CELF2: variants seen among roughly 807,000 people sequenced by gnomAD.
The protein encoded by CELF2 is CUG triplet repeat RNA-binding protein 2.
In CELF2, 8 loss-of-function variants were observed where a neutral mutation model predicts 62.6. The observed-to-expected ratio is 0.13, with a 90% CI of 0.07 to 0.23. The LOEUF (loss-of-function observed/expected upper bound fraction) is 0.23, where lower values mean the gene tolerates loss of function less well. Among genes scored for constraint, CELF2 ranks in the 10% least tolerant of loss-of-function variants. The pLI, the probability that CELF2 is intolerant of heterozygous loss-of-function variation, is 1.00. For missense variants in CELF2, 333 were observed against 671.0 expected (o/e 0.50, Z 5.56); for synonymous variants, 258 against 250.0 (o/e 1.03, Z -0.30).
At chr10:10,851,602 C>T (rs1204264011) in intron 1 of CELF2, among the ~76,000 whole-genome samples, 6 of 152,040 alleles carry the variant, frequency 3.9e-5, no homozygotes, top group Admixed American at 2.0e-4. Context: ...TGAAACAAAA[C>T]ATCAGACAAA....
chr10:10,687,003 C>T, the CELF2 span, among the ~76,000 whole-genome samples: 1 of 152,178 alleles, frequency 6.6e-6, no homozygotes, highest in Non-Finnish European at 1.5e-5. Flanking sequence ...CCATTGTATG[C>T]TCCCTAACCC....
intron 1 of CELF2, among the ~76,000 whole-genome samples, chr10:10,903,174 C>T (rs2063070782): frequency 6.6e-6 from 1 of 152,168 alleles, no homozygotes; most frequent in African/African-American, 2.4e-5. Flanking sequence ...TGACCTGTTC[C>T]ACTGGAATGC....
chr10:11,319,303 G>A lies in CELF2; in HGVS notation c.1097-1886G>A. The A allele has an allele frequency of 2.8e-6, 1 of 355,916 alleles. No homozygotes were observed. Among genetic ancestry groups the A allele is most frequent in the Non-Finnish European group, 5.6e-6 (1 of 177,304 alleles). 22.0% of individuals were successfully genotyped at this position (355,916 alleles called of 1,614,324 possible). A position where few individuals can be genotyped will look rare whatever the true frequency, so the allele number is the denominator to read the frequency against. Reference sequence around the variant, plus strand: ...CCTCTCACCTATCTCAAAAAACACGGAAGTTCCTTTGCATCACACAAATAG... The same window carrying A: ...CCTCTCACCTATCTCAAAAAACACGAAAGTTCCTTTGCATCACACAAATAG... On this transcript the variant is annotated intron_variant, in intron 10 of 12. Transcript: ENST00000633077. This position sits in a 1 kb window ranked among gnomAD's most constrained non-coding sequence, Gnocchi z 4.4.
upstream of CELF2, among the ~76,000 whole-genome samples, chr10:10,795,681 A>G (rs2054099335): frequency 6.6e-6 from 1 of 152,232 alleles, no homozygotes; most frequent in Non-Finnish European, 1.5e-5. Context: ...AGAAATTTGC[A>G]GTATGTGATA....
intron 9 of CELF2, among the ~76,000 whole-genome samples, chr10:11,292,997 G>C (rs900777041): frequency 6.6e-6 from 1 of 152,178 alleles, no homozygotes; most frequent in Non-Finnish European, 1.5e-5. Context: ...CTTACACACT[G>C]TTGGCAACTG....
rs184394372 is a variant in CELF2, at chr10:11,088,896, G to A, written c.74+70733G>A. On this transcript the variant is annotated intron_variant, in intron 1 of 12. Transcript: ENST00000633077. Reference sequence around the variant, plus strand: ...CCTCGCTAGCACATCTGACAGGTGGGAAGTGTTACCAGAAAACTGGGCTCA... The same window carrying A: ...CCTCGCTAGCACATCTGACAGGTGGAAAGTGTTACCAGAAAACTGGGCTCA... Among the ~76,000 whole-genome samples the A allele has an allele frequency of 1.1e-3, 172 of 152,296 alleles. 1 individual carries two copies. Among genetic ancestry groups the A allele is most frequent in the African/African-American group, 3.9e-3 (163 of 41,546 alleles).
At position 11,244,570 on chromosome 10, in the gene CELF2, G is replaced by T. The variant is rs191528681; in HGVS notation, c.355-4583G>T. The stretch of plus-strand genomic sequence containing the variant: ...CTCAGGAGGCTGAGGCAGGAGAATG[G>T]CATGAACCCGGGAGGCAGAGCTTTC... On this transcript the variant is annotated intron_variant, in intron 3 of 12. Coordinates refer to ENST00000633077, the MANE Select transcript of CELF2 (RefSeq NM_001326342.2). The surrounding 1 kb of genome is among the most constrained non-coding windows in gnomAD (Gnocchi z 4.2). Among the ~76,000 whole-genome samples the T allele has an allele frequency of 6.0e-4, 91 of 151,698 alleles. No homozygotes were observed. The highest frequency in any genetic ancestry group is 2.1e-3 in the African/African-American group (88 of 41,360).
the CELF2 span, among the ~76,000 whole-genome samples, chr10:10,531,632 A>G: frequency 6.6e-6 from 1 of 152,078 alleles, no homozygotes; most frequent in Non-Finnish European, 1.5e-5. Flanking sequence ...AGCCAGGTGC[A>G]CTCTTCACTT....
chr10:10,596,683 C>T, the CELF2 span, among the ~76,000 whole-genome samples: 1 of 152,246 alleles, frequency 6.6e-6, no homozygotes, highest in Non-Finnish European at 1.5e-5. Context: ...CCTCTGGGCC[C>T]AGGCATTTGT....
the CELF2 span, among the ~76,000 whole-genome samples, chr10:10,630,374 A>G: frequency 2.6e-5 from 4 of 152,234 alleles, no homozygotes; most frequent in Non-Finnish European, 2.9e-5. Flanking sequence ...GTCTTAGGCA[A>G]GGAATGCTGT....
intron 2 of CELF2, among the ~76,000 whole-genome samples, chr10:10,967,685 T>C (rs1433247435): frequency 6.6e-6 from 1 of 152,126 alleles, no homozygotes; most frequent in Non-Finnish European, 1.5e-5. Flanking sequence ...TGCCTTAGTG[T>C]TCCTGCCACC....
intron 1 of CELF2, among the ~76,000 whole-genome samples, chr10:10,841,853 A>T (rs983959209): frequency 3.3e-5 from 5 of 152,068 alleles, no homozygotes; most frequent in African/African-American, 1.2e-4. Flanking sequence ...TCTTACTGAA[A>T]TTGCATTGAA....
At chr10:10,706,924 A>G in the CELF2 span, among the ~76,000 whole-genome samples, 1 of 152,342 alleles carries the variant, frequency 6.6e-6, no homozygotes, top group Non-Finnish European at 1.5e-5. Context: ...GATAAAGCCA[A>G]TGAAAATATC....
chr10:11,020,435 G>A (rs1593268528), intron 1 of CELF2, among the ~76,000 whole-genome samples: 1 of 152,138 alleles, frequency 6.6e-6, no homozygotes, highest in Non-Finnish European at 1.5e-5. Context: ...GGTGTGTGGG[G>A]GGGAATATGA....
chr10:10,739,402 T>A, the CELF2 span, among the ~76,000 whole-genome samples: 1 of 152,200 alleles, frequency 6.6e-6, no homozygotes, highest in African/African-American at 2.4e-5. Flanking sequence ...ACAGGGAAAT[T>A]GCAACAGACA....
At position 11,194,215 on chromosome 10, in the gene CELF2, G is replaced by A. The variant is rs184763996; in HGVS notation, c.272-23210G>A. Among the ~76,000 whole-genome samples the A allele has an allele frequency of 5.3e-3, 810 of 151,970 alleles. 8 individuals carry two copies. The highest frequency in any genetic ancestry group is 0.018 in the African/African-American group (765 of 41,446). On this transcript the variant is annotated intron_variant, in intron 2 of 12. Coordinates refer to ENST00000633077, the MANE Select transcript of CELF2 (RefSeq NM_001326342.2). Reference sequence around the variant, plus strand: ...TGAGTAGCTGGGACTACAGGCACACGCCACCACACCCAGCTAATTTTTGTA... The same window carrying A: ...TGAGTAGCTGGGACTACAGGCACACACCACCACACCCAGCTAATTTTTGTA...
the CELF2 span, among the ~76,000 whole-genome samples, chr10:10,567,350 T>C: frequency 1.3e-5 from 2 of 152,302 alleles, no homozygotes; most frequent in African/African-American, 2.4e-5. Context: ...TATAGATCAA[T>C]TAAACTTCAG....
intron 2 of CELF2, among the ~76,000 whole-genome samples, chr10:11,184,978 CT>C (rs1424758093): frequency 6.6e-6 from 1 of 152,176 alleles, no homozygotes. Context: ...AAGACTTTTT[CT>C]TTACACTGAA....
chr10:10,764,995 G>C, the CELF2 span, among the ~76,000 whole-genome samples: 1 of 152,208 alleles, frequency 6.6e-6, no homozygotes, highest in African/African-American at 2.4e-5. Flanking sequence ...GGGATTAAGG[G>C]AAAACAGGAA....
Sources: allele counts gnomAD v4.1 joint callset (sites outside exome capture counted in the v4.1 genomes callset), GRCh38; gene constraint gnomAD v4.1.1; non-coding constraint Gnocchi (gnomAD v3.1); transcripts MANE v1.5; gene names NCBI Gene and HGNC (gene_info 2026-07-23, HGNC 2026-07-21).